MICU3: variants seen among roughly 807,000 people sequenced by gnomAD.
The protein encoded by MICU3 is mitochondrial calcium uptake 3.
In MICU3, 62 loss-of-function variants were observed where a neutral mutation model predicts 66.5. The observed-to-expected ratio is 0.93, with a 90% CI of 0.76 to 1.15. The LOEUF is 1.15. Among genes scored for constraint, MICU3 ranks in the 50% most tolerant of loss-of-function variants. MICU3 has a pLI of 0.00. For synonymous variants in MICU3, 308 were observed against 240.7 expected (o/e 1.28, Z -2.59); for missense variants, 779 against 664.4 (o/e 1.17, Z -1.90).
intron 1 of MICU3, among the ~76,000 whole-genome samples, chr8:17,049,328 T>G (rs116159687): frequency 0.01 from 1,583 of 152,240 alleles, 25 homozygotes; most frequent in African/African-American, 0.036. Flanking sequence ...ATCTAACTTA[T>G]AGTGCCACAG....
In MICU3 at chr8:17,086,983, A is replaced by G; in HGVS notation, c.797A>G (p.Lys266Arg). 6.2e-7 allele frequency: 1 copy of G among 1,604,870 alleles called. No individual in the cohort carries two copies. Among genetic ancestry groups the G allele is most frequent in the Non-Finnish European group, 8.5e-7 (1 of 1,172,756 alleles). Reference sequence around the variant, plus strand: ...TGTCAGCTTCAAGAGATATTCAGGAAAAAAAATGAAAAGAGAGAAATTAAA... The same window carrying G: ...TGTCAGCTTCAAGAGATATTCAGGAGAAAAAATGAAAAGAGAGAAATTAAA... The part of the protein sequence containing the change: ...EFLVLQEIFR[K>R]KNEKREIKGD... Residue 266 changes from lysine (K) to arginine (R), a missense_variant, in exon 7 of 15, where the codon AAA (lysine) becomes AGA (arginine). Transcript: ENST00000318063.
the MICU3 span, among the ~76,000 whole-genome samples, chr8:17,137,469 GAA>G: frequency 1.5e-5 from 2 of 132,326 alleles, no homozygotes; most frequent in South Asian, 4.8e-4. Context: ...ACGGAAGGAA[GAA>G]AAAAGTTTTA....
chr8:17,113,537 T>C (rs1563396572), intron 11 of MICU3, among the ~76,000 whole-genome samples: 1 of 152,144 alleles, frequency 6.6e-6, no homozygotes. Context: ...TCTGAGGTCA[T>C]TGCACTTCCT....
intron 4 of MICU3, among the ~76,000 whole-genome samples, chr8:17,081,412 G>C (rs958360356): frequency 1.3e-5 from 2 of 151,940 alleles, no homozygotes; most frequent in Admixed American, 6.6e-5. Context: ...TTAGAAACTA[G>C]CAACAAGTTT....
intron 2 of MICU3, among the ~76,000 whole-genome samples, chr8:17,065,402 G>T (rs191483108): frequency 6.6e-6 from 1 of 152,242 alleles, no homozygotes; most frequent in Non-Finnish European, 1.5e-5. Flanking sequence ...ATTCATCTTT[G>T]CATTATTGCT....
chr8:17,137,191 TG>T, the MICU3 span, among the ~76,000 whole-genome samples: 1 of 152,136 alleles, frequency 6.6e-6, no homozygotes, highest in South Asian at 2.1e-4. Context: ...GCAATATCCT[TG>T]GGGTTGCCTA....
chr8:17,098,012 G>T (rs1800898489), intron 8 of MICU3, among the ~76,000 whole-genome samples: 1 of 151,702 alleles, frequency 6.6e-6, no homozygotes, highest in African/African-American at 2.4e-5. Flanking sequence ...TATAGATAAA[G>T]TTATTTTGAG....
intron 8 of MICU3, among the ~76,000 whole-genome samples, chr8:17,092,093 G>C (rs970993682): frequency 3.9e-5 from 6 of 152,112 alleles, no homozygotes; most frequent in Non-Finnish European, 5.9e-5. Flanking sequence ...AGCCAGGATG[G>C]TCTTGATCTC....
intron 1 of MICU3, among the ~76,000 whole-genome samples, chr8:17,034,429 T>C (rs1033263119): frequency 2.0e-5 from 3 of 152,214 alleles, no homozygotes; most frequent in Admixed American, 6.5e-5. Context: ...GACTTTCACA[T>C]CTTATTATTT....
At chr8:17,034,006 T>A (rs114093952) in intron 1 of MICU3, among the ~76,000 whole-genome samples, 71 of 152,298 alleles carry the variant, frequency 4.7e-4, no homozygotes, top group African/African-American at 1.6e-3. Context: ...GTCTAGGACT[T>A]TGATAGCTAG....
chr8:17,119,556 G>GGTAGATAGATAA (rs1803025025), intron 14 of MICU3, among the ~76,000 whole-genome samples: 1 of 151,092 alleles, frequency 6.6e-6, no homozygotes, highest in African/African-American at 2.4e-5. Context: ...TAGATAGATA[G>GGTAGATAGATAA]ATAGATAGAT....
chr8:17,031,830 A>G (rs1812122007), intron 1 of MICU3, among the ~76,000 whole-genome samples: 1 of 152,186 alleles, frequency 6.6e-6, no homozygotes, highest in African/African-American at 2.4e-5. Flanking sequence ...TGTCAAAGAC[A>G]TTGGCTCTCA....
Position 17,120,572 on chromosome 8 carries a change from C to A in MICU3, c.*285C>A, listed in dbSNP as rs1408254211. The stretch of plus-strand genomic sequence containing the variant: ...TCCCTTCAGAAGTATATAGATACTT[C>A]CGGTGACTACATATGAATGTACTTT... On this transcript the variant is annotated 3_prime_UTR_variant, in exon 15 of 15. Coordinates refer to ENST00000318063, the MANE Select transcript of MICU3 (RefSeq NM_181723.3). 1.3e-5 allele frequency: 2 copies of A among 152,232 alleles called. No individual in the cohort carries two copies. Among genetic ancestry groups the A allele is most frequent in the Non-Finnish European group, 2.9e-5 (2 of 67,934 alleles). 9.4% of individuals were successfully genotyped at this position (152,232 alleles called of 1,614,324 possible).
intron 1 of MICU3, among the ~76,000 whole-genome samples, chr8:17,060,420 G>T (rs1243318856): frequency 6.6e-6 from 1 of 151,858 alleles, no homozygotes; most frequent in Non-Finnish European, 1.5e-5. Flanking sequence ...TGATTCTCCT[G>T]CCTCAGCCTC....
At chr8:17,035,702 A>G (rs1812856448) in intron 1 of MICU3, among the ~76,000 whole-genome samples, 1 of 152,234 alleles carries the variant, frequency 6.6e-6, no homozygotes, top group African/African-American at 2.4e-5. Context: ...AGTTTTATGT[A>G]TTCACAAAGA....
In MICU3 at chr8:17,105,482, C is replaced by T; in HGVS notation, c.1155C>T (p.Thr385=). The T allele has an allele frequency of 6.4e-7, 1 of 1,571,370 alleles. No homozygotes were observed. The highest frequency in any genetic ancestry group is 8.7e-7 in the Non-Finnish European group (1 of 1,153,702). The change falls in exon 11 of 15, where the codon ACC becomes ACT. Residue 385 remains threonine (T), a synonymous_variant. Coordinates refer to ENST00000318063, the MANE Select transcript of MICU3 (RefSeq NM_181723.3). ...EFLSYSNGMN[T]ISEEDFAHIL... ...TTTCCTACTCAAATGGAATGAATACCATCAGTGAAGAAGATTTTGCTCATA... is the reference window on the plus strand; with the variant it reads ...TTTCCTACTCAAATGGAATGAATACTATCAGTGAAGAAGATTTTGCTCATA...
chr8:17,084,500 A>T (rs1337863360), intron 5 of MICU3, among the ~76,000 whole-genome samples: 1 of 152,016 alleles, frequency 6.6e-6, no homozygotes, highest in Non-Finnish European at 1.5e-5. Flanking sequence ...CCCCCCGGTC[A>T]TCTCAAAAGA....
chr8:17,043,778 G>A (rs896054479), intron 1 of MICU3, among the ~76,000 whole-genome samples: 1 of 152,186 alleles, frequency 6.6e-6, no homozygotes, highest in African/African-American at 2.4e-5. Flanking sequence ...AGTCAAGTAA[G>A]AGTTTTGATT....
At chr8:17,098,027 T>C (rs368876238) in intron 8 of MICU3, among the ~76,000 whole-genome samples, 7 of 151,882 alleles carry the variant, frequency 4.6e-5, no homozygotes, top group African/African-American at 1.7e-4. Context: ...TTTGAGTCTT[T>C]GATACACTAG....
Sources: gnomAD v4.1 joint callset for allele counts (sites outside exome capture counted in the v4.1 genomes callset) on GRCh38, gnomAD v4.1.1 for gene constraint, MANE v1.5 for transcripts, NCBI Gene and HGNC (gene_info 2026-07-23, HGNC 2026-07-21) for gene names.